Variants in WWOX observed in about 807,000 individuals in gnomAD.
WWOX encodes the protein WW domain-containing oxidoreductase.
A neutral mutation model predicts 46.2 loss-of-function variants in WWOX; 69 were observed. The ratio of observed to expected loss-of-function variants is 1.49; its 90% CI spans 1.23 to 1.82. The LOEUF is 1.82. WWOX is among the 40% of genes most tolerant of loss of function. The pLI is 0.00. For missense variants in WWOX, 919 were observed against 542.6 expected (o/e 1.69, Z -6.89); for synonymous variants, 359 against 202.6 (o/e 1.77, Z -6.56).
chr16:78,325,838 A>G (rs950492201), intron 5 of WWOX, among the ~76,000 whole-genome samples: 1 of 152,212 alleles, frequency 6.6e-6, no homozygotes, highest in African/African-American at 2.4e-5. Context: ...ACTTGAACAC[A>G]CTCATTGGGA....
chr16:78,610,700 G>A (rs1292697750), intron 8 of WWOX, among the ~76,000 whole-genome samples: 4 of 152,130 alleles, frequency 2.6e-5, no homozygotes, highest in African/African-American at 9.7e-5. Flanking sequence ...GGTCTGAGAT[G>A]TGGAAAACAG....
intron 7 of WWOX, among the ~76,000 whole-genome samples, chr16:78,431,987 A>T (rs545009930): frequency 6.6e-6 from 1 of 152,156 alleles, no homozygotes; most frequent in African/African-American, 2.4e-5. Flanking sequence ...AAGTGCTGGG[A>T]TTAGAGGCAT....
At chr16:79,017,555 T>G (rs2047443250) in intron 8 of WWOX, 1 of 150,788 alleles carries the variant, frequency 6.6e-6, no homozygotes, top group Non-Finnish European at 1.5e-5. Context: ...TTGCAGGCCC[T>G]ATGACGTCTG....
intron 8 of WWOX, chr16:79,017,303 A>G (rs28655843): frequency 0.16 from 23,825 of 151,532 alleles, 2,167 homozygotes; most frequent in African/African-American, 0.25. Flanking sequence ...GGTGGTGGGC[A>G]CCTGTAGTCC....
rs371175684 is a variant in WWOX, at chr16:78,528,718, A to C, written c.1056+95966A>C. Among the ~76,000 whole-genome samples, 201 of 152,030 alleles carry C rather than the reference A, an allele frequency of 1.3e-3. 4 individuals are homozygous for C. In the South Asian group the frequency reaches 0.04, roughly 30 times the overall value. On this transcript the variant is annotated intron_variant, in intron 8 of 8. Transcript: ENST00000566780. ...GTTGTAATTTATTAATTGATTTTTA[A>C]ATTTGGCCGGTGAAAATGAACTTTA...
At chr16:78,373,075 G>C (rs955489672) in intron 5 of WWOX, among the ~76,000 whole-genome samples, 10 of 151,930 alleles carry the variant, frequency 6.6e-5, no homozygotes, top group Non-Finnish European at 1.0e-4. Context: ...TTTCATTTCT[G>C]CTTGCACACT....
At chr16:78,747,954 A>G (rs1202871812) in intron 8 of WWOX, among the ~76,000 whole-genome samples, 2 of 152,140 alleles carry the variant, frequency 1.3e-5, no homozygotes, top group African/African-American at 4.8e-5. Flanking sequence ...AGCCGAAATA[A>G]CCATGCTTCT....
At chr16:78,666,088 T>C (rs191414468) in intron 8 of WWOX, among the ~76,000 whole-genome samples, 149 of 152,116 alleles carry the variant, frequency 9.8e-4, no homozygotes, top group African/African-American at 3.4e-3. Flanking sequence ...AGTTTGAGAA[T>C]AGCCTGGTTA....
chr16:79,010,179 A>C (rs1380376538), intron 8 of WWOX, among the ~76,000 whole-genome samples: 1 of 152,188 alleles, frequency 6.6e-6, no homozygotes, highest in Non-Finnish European at 1.5e-5. Context: ...GTTTATTTAC[A>C]AGGCTGGCTT....
intron 8 of WWOX, among the ~76,000 whole-genome samples, chr16:78,505,596 A>C (rs1478563857): frequency 6.6e-6 from 1 of 152,180 alleles, no homozygotes; most frequent in African/African-American, 2.4e-5. Context: ...TCTTGGGGCC[A>C]GCCAGCCTCA....
chr16:78,965,489 G>A (rs542456937), intron 8 of WWOX, among the ~76,000 whole-genome samples: 43 of 151,670 alleles, frequency 2.8e-4, no homozygotes, highest in African/African-American at 1.0e-3. Flanking sequence ...AGAATCACTT[G>A]AACCCGGAAA....
intron 8 of WWOX, among the ~76,000 whole-genome samples, chr16:79,052,805 G>T (rs114547002): frequency 1.3e-5 from 2 of 152,154 alleles, no homozygotes; most frequent in Non-Finnish European, 2.9e-5. Flanking sequence ...CTGTTCGAGT[G>T]CTATTTCTTT....
chr16:78,699,461 C>T (rs2048166845), intron 8 of WWOX, among the ~76,000 whole-genome samples: 1 of 152,086 alleles, frequency 6.6e-6, no homozygotes, highest in Non-Finnish European at 1.5e-5. Context: ...ATATCCTGAG[C>T]CCAGGAGGCA....
At chr16:78,540,078 A>C (rs1217082447) in intron 8 of WWOX, among the ~76,000 whole-genome samples, 3 of 147,922 alleles carry the variant, frequency 2.0e-5, no homozygotes, top group African/African-American at 4.9e-5. Context: ...TAAACTGTAG[A>C]GTTAACATTC....
intron 8 of WWOX, among the ~76,000 whole-genome samples, chr16:79,025,892 G>C (rs139405001): frequency 7.0e-6 from 1 of 142,152 alleles, no homozygotes; most frequent in African/African-American, 2.8e-5. Context: ...TCCGCCTCCT[G>C]GGTTCAAGTG....
At chr16:78,534,199 A>G (rs1210332873) in intron 8 of WWOX, among the ~76,000 whole-genome samples, 1 of 152,210 alleles carries the variant, frequency 6.6e-6, no homozygotes, top group African/African-American at 2.4e-5. Context: ...TAGGAGGCTT[A>G]CCCACTCTGA....
At position 78,633,607 on chromosome 16, in the gene WWOX, A is replaced by G. The variant is rs937103860; in HGVS notation, c.1056+200855A>G. Among the ~76,000 whole-genome samples, 4 of 152,264 alleles carry G rather than the reference A, an allele frequency of 2.6e-5. No homozygotes were observed. The South Asian group carries it at 8.3e-4, about 32-fold the overall frequency. On this transcript the variant is annotated intron_variant, in intron 8 of 8. Transcript: ENST00000566780. ...GGCCTCTGGCTTCAGAGATGCCACT[A>G]CAAAGGTCTCCTCCTTTTCATAAAC...
At chr16:78,690,143 G>A (rs1218457946) in intron 8 of WWOX, among the ~76,000 whole-genome samples, 1 of 152,116 alleles carries the variant, frequency 6.6e-6, no homozygotes, top group Non-Finnish European at 1.5e-5. Flanking sequence ...TTACAGGTGT[G>A]AGCCACCGAG....
intron 8 of WWOX, among the ~76,000 whole-genome samples, chr16:78,437,126 A>G (rs1392361457): frequency 6.6e-6 from 1 of 152,210 alleles, no homozygotes. Context: ...GGAGCAAGAA[A>G]TACAACCCAG....
Sources: gnomAD v4.1 joint callset for allele counts (sites outside exome capture counted in the v4.1 genomes callset) on GRCh38, gnomAD v4.1.1 for gene constraint, MANE v1.5 for transcripts, NCBI Gene and HGNC (gene_info 2026-07-23, HGNC 2026-07-21) for gene names.